ZNF610: variants seen among roughly 807,000 people sequenced by gnomAD.
The protein encoded by ZNF610 is zinc finger protein 610, also known as zink finger protein.
ZNF610 carries 14 observed loss-of-function variants against 14.1 expected under a neutral mutation model. The ratio of observed to expected loss-of-function variants is 0.99; its 90% CI spans 0.65 to 1.55. ZNF610 has a LOEUF of 1.55. ZNF610 is among the 40% of genes most tolerant of loss of function. The pLI is 0.00. For missense variants in ZNF610, 530 were observed against 558.0 expected (o/e 0.95, Z 0.51); for synonymous variants, 185 against 187.6 (o/e 0.99, Z 0.11).
intron 5 of ZNF610, among the ~76,000 whole-genome samples, chr19:52,360,415 T>C (rs1477691224): frequency 6.6e-6 from 1 of 152,230 alleles, no homozygotes; most frequent in Non-Finnish European, 1.5e-5. Flanking sequence ...GAACCAGTCT[T>C]CCCTGGACAC....
chr19:52,350,657 G>A (rs575495401), intron 3 of ZNF610, among the ~76,000 whole-genome samples: 31 of 149,372 alleles, frequency 2.1e-4, no homozygotes, highest in Non-Finnish European at 3.1e-4. Context: ...CAGCCTGGGC[G>A]ACAGAGCAAG....
rs2657936 is a variant in ZNF610 at position 52,358,616 on chromosome 19, T to C, written c.319+4237T>C. On this transcript the variant is annotated intron_variant, in intron 5 of 5. Coordinates refer to ENST00000403906, the MANE Select transcript of ZNF610 (RefSeq NM_001161425.2). ...CATATGGTAGGTTTCCTTTTCACTC[T>C]GGTAATTGTTTTCTTCCATCCACAG... is the stretch of plus-strand genomic sequence containing the variant. Among the ~76,000 whole-genome samples the C allele has an allele frequency of 4.5e-3, 685 of 152,376 alleles. 11 individuals carry two copies. The East Asian group carries it at 0.072, about 16-fold the overall frequency.
chr19:52,332,380 G>T (rs527595996), upstream of ZNF610, among the ~76,000 whole-genome samples: 1 of 152,156 alleles, frequency 6.6e-6, no homozygotes, highest in Non-Finnish European at 1.5e-5. This position sits in a 1 kb window ranked among gnomAD's most constrained non-coding sequence, Gnocchi z 4.1. Context: ...ATTGAAACAG[G>T]CTCATCAAAA....
chr19:52,355,924 G>A (rs1395874268), intron 5 of ZNF610, among the ~76,000 whole-genome samples: 2 of 152,160 alleles, frequency 1.3e-5, no homozygotes, highest in African/African-American at 2.4e-5. Flanking sequence ...GTTCACGAGC[G>A]GCTTCATCAC....
chr19:52,336,893 T>C (rs1568643367), intron 1 of ZNF610, among the ~76,000 whole-genome samples: 1 of 152,164 alleles, frequency 6.6e-6, no homozygotes, highest in Non-Finnish European at 1.5e-5. Context: ...AAAAATGTGC[T>C]CTTGGCGGAG....
chr19:52,342,921 G>A (rs1984754853), intron 1 of ZNF610, among the ~76,000 whole-genome samples: 1 of 151,900 alleles, frequency 6.6e-6, no homozygotes, highest in African/African-American at 2.4e-5. Context: ...TGTTCTCTCT[G>A]CCCACACCCT....
chr19:52,354,937 A>G (rs1985456669), intron 5 of ZNF610, among the ~76,000 whole-genome samples: 1 of 152,140 alleles, frequency 6.6e-6, no homozygotes, highest in Non-Finnish European at 1.5e-5. Context: ...GTTCTGTGAG[A>G]AAAGAAAAGT....
chr19:52,366,274 A>AAG lies in ZNF610; in HGVS notation c.896_897insAG (p.Cys300GlyfsTer10). On this transcript the variant is annotated frameshift_variant, in exon 6 of 6. Transcript: ENST00000403906. LOFTEE classifies it low-confidence loss of function (END_TRUNC). Reference sequence around the variant, plus strand: ...AACGAATGTGGCAAAGCTTTTAGAGAGTGTTCGGGACTTACTACCCATCTT... The same window carrying AAG: ...AACGAATGTGGCAAAGCTTTTAGAGAAGGTGTTCGGGACTTACTACCCATCTT... 6.2e-7 allele frequency: 1 copy of AAG among 1,613,280 alleles called. No homozygotes were observed. The highest frequency in any genetic ancestry group is 8.5e-7 in the Non-Finnish European group (1 of 1,179,396).
At chr19:52,353,925 C>T in intron 4 of ZNF610, 117 bp downstream of exon 4, 4 of 1,341,572 alleles carry the variant, frequency 3.0e-6, no homozygotes, top group Non-Finnish European at 3.0e-6. Flanking sequence ...CTTGTTGACT[C>T]AGAAATGAAA....
intron 2 of ZNF610, chr19:52,348,319 A>T (rs922060402): frequency 1.3e-5 from 2 of 152,234 alleles, no homozygotes; most frequent in African/African-American, 2.4e-5. Flanking sequence ...TAATGGATTA[A>T]TGAAATTTAT....
upstream of ZNF610, among the ~76,000 whole-genome samples, chr19:52,334,163 T>G (rs1476876437): frequency 1.3e-5 from 2 of 152,234 alleles, no homozygotes; most frequent in Non-Finnish European, 2.9e-5. Flanking sequence ...CTACCTTTTT[T>G]GAATTTTTTA....
chr19:52,335,703 GAGA>G (rs1425115812), upstream of ZNF610, among the ~76,000 whole-genome samples: 2 of 152,182 alleles, frequency 1.3e-5, no homozygotes, highest in East Asian at 1.9e-4. Context: ...GATGGAAAGG[GAGA>G]AGATTTCTAT....
chr19:52,356,090 C>T (rs1429502775), intron 5 of ZNF610, among the ~76,000 whole-genome samples: 2 of 152,226 alleles, frequency 1.3e-5, no homozygotes, highest in Non-Finnish European at 2.9e-5. Flanking sequence ...GCAGATCACA[C>T]TCGTACCACC....
At chr19:52,360,687 C>CTAT (rs1985733519) in intron 5 of ZNF610, among the ~76,000 whole-genome samples, 1 of 143,592 alleles carries the variant, frequency 7.0e-6, no homozygotes, top group Admixed American at 6.9e-5. Flanking sequence ...TGTTTTTATT[C>CTAT]TGTTTTTGTG....
chr19:52,337,987 A>G (rs1460709597), intron 1 of ZNF610, among the ~76,000 whole-genome samples: 1 of 150,956 alleles, frequency 6.6e-6, no homozygotes, highest in Admixed American at 6.6e-5. Context: ...CCAACACAGA[A>G]TGCCACATCT....
At chr19:52,356,465 G>A (rs1044256366) in intron 5 of ZNF610, among the ~76,000 whole-genome samples, 3 of 152,092 alleles carry the variant, frequency 2.0e-5, no homozygotes, top group Non-Finnish European at 2.9e-5. Flanking sequence ...TTAGTCAGCA[G>A]TTCCATATTT....
chr19:52,334,998 T>C (rs548616025), upstream of ZNF610, among the ~76,000 whole-genome samples: 1 of 147,984 alleles, frequency 6.8e-6, no homozygotes, highest in African/African-American at 2.5e-5. Flanking sequence ...ATTGGTTTTT[T>C]TAAAAGCAAC....
chr19:52,334,506 T>C (rs321922), upstream of ZNF610, among the ~76,000 whole-genome samples: 95,942 of 151,526 alleles, frequency 0.63, 30,674 homozygotes, highest in African/African-American at 0.7. Context: ...GAGTGAGACT[T>C]TGTCTCAAAA....
intron 1 of ZNF610, among the ~76,000 whole-genome samples, chr19:52,342,955 T>A (rs147596149): frequency 1.6e-4 from 24 of 152,248 alleles, no homozygotes; most frequent in African/African-American, 5.8e-4. Context: ...TGATCTCGTC[T>A]TACAGCTTCA....
Sources: gnomAD v4.1 joint callset for allele counts (sites outside exome capture counted in the v4.1 genomes callset) on GRCh38, gnomAD v4.1.1 for gene constraint, Gnocchi (gnomAD v3.1) non-coding constraint, MANE v1.5 for transcripts, NCBI Gene and HGNC (gene_info 2026-07-23, HGNC 2026-07-21) for gene names.